The following CENPQ variants were observed in gnomAD, a reference collection of about 807,000 sequenced individuals.
CENPQ encodes centromere protein Q.
Under a neutral mutation model 36.6 loss-of-function variants are expected in CENPQ, and 27 were observed. That is an observed-to-expected ratio of 0.74 (90% CI 0.54 to 1.02). The LOEUF (loss-of-function observed/expected upper bound fraction) is 1.02. Among genes scored for constraint, CENPQ ranks in the 50% least tolerant of loss-of-function variants. The probability of loss-of-function intolerance (pLI) is 0.00; values close to 1 mark genes in which losing one functional copy is unlikely to be tolerated. For synonymous variants in CENPQ, 101 were observed against 101.7 expected, an observed-to-expected ratio of 0.99 and a Z score of 0.04; for missense variants, 306 against 301.8, an observed-to-expected ratio of 1.01 and a Z score of -0.10.
intron 1 of CENPQ, among the ~76,000 whole-genome samples, chr6:49,467,667 A>G (rs1007896610): frequency 2.0e-5 from 3 of 152,214 alleles, no homozygotes; most frequent in Admixed American, 6.5e-5. Context: ...TTTGAATGAG[A>G]TTTGGAGTAG....
At chr6:49,482,644 T>C (rs773617217) in intron 6 of CENPQ, among the ~76,000 whole-genome samples, 2 of 127,640 alleles carry the variant, frequency 1.6e-5, no homozygotes, top group African/African-American at 5.8e-5. Context: ...TGATAGGCAA[T>C]GGTCTCACTG....
At chr6:49,466,603 T>C (rs1275589748) in intron 1 of CENPQ, among the ~76,000 whole-genome samples, 1 of 152,224 alleles carries the variant, frequency 6.6e-6, no homozygotes, top group Non-Finnish European at 1.5e-5. Flanking sequence ...CACTAAGCTG[T>C]GGTTTCCCTT....
intron 6 of CENPQ, among the ~76,000 whole-genome samples, chr6:49,483,992 A>G (rs1386812010): frequency 1.3e-5 from 2 of 152,222 alleles, no homozygotes; most frequent in African/African-American, 4.8e-5. Flanking sequence ...TAGCAGTCCT[A>G]TTTTTTCATC....
intron 6 of CENPQ, among the ~76,000 whole-genome samples, chr6:49,484,087 A>G (rs940863942): frequency 1.3e-5 from 2 of 152,214 alleles, no homozygotes; most frequent in African/African-American, 2.4e-5. Flanking sequence ...TAAAACGTGG[A>G]AATTTTTCTG....
chr6:49,491,260 CT>C (rs1768716763), intron 8 of CENPQ, among the ~76,000 whole-genome samples: 1 of 152,172 alleles, frequency 6.6e-6, no homozygotes, highest in Non-Finnish European at 1.5e-5. Context: ...GTTTGAACAT[CT>C]TGTCAGTCAC....
At chr6:49,468,503 A>G (rs1024314726) in intron 1 of CENPQ, among the ~76,000 whole-genome samples, 7 of 152,050 alleles carry the variant, frequency 4.6e-5, no homozygotes, top group African/African-American at 1.7e-4. Flanking sequence ...CTGAGGCAGG[A>G]GAATCGCTTA....
intron 5 of CENPQ, among the ~76,000 whole-genome samples, chr6:49,474,034 T>A (rs1768212588): frequency 6.6e-6 from 1 of 152,132 alleles, no homozygotes; most frequent in Non-Finnish European, 1.5e-5. Context: ...CTTAGAGACC[T>A]ACAAAGAGAC....
At chr6:49,468,123 G>C (rs772710038) in intron 1 of CENPQ, among the ~76,000 whole-genome samples, 5 of 152,116 alleles carry the variant, frequency 3.3e-5, no homozygotes, top group African/African-American at 4.8e-5. Flanking sequence ...GGAGGGACTA[G>C]GCAGGGCTTG....
At position 49,479,889 on chromosome 6, in the gene CENPQ, A is replaced by C. The variant is rs185396494; in HGVS notation, c.348-1062A>C. On this transcript the variant is annotated intron_variant, in intron 5 of 8. Transcript: ENST00000335783. Reference sequence around the variant, plus strand: ...ACAGGAACAGAAAACCACATAGTGCATTTTCTCACAAGTGGGAGCTAAACA... The same window carrying C: ...ACAGGAACAGAAAACCACATAGTGCCTTTTCTCACAAGTGGGAGCTAAACA... Among the ~76,000 whole-genome samples the C allele has an allele frequency of 1.0e-3, 154 of 152,278 alleles. 1 individual carries two copies. The highest frequency in any genetic ancestry group is 3.4e-3 in the Middle Eastern group (1 of 294).
rs1471538 is a variant in CENPQ at position 49,492,555 on chromosome 6, G to A, written c.*280G>A. Reference sequence around the variant, plus strand: ...AAATAGGAATTGCCTTAAGGATCTAGTAGTTTATAATGCCTGAATGGAACT... The same window carrying A: ...AAATAGGAATTGCCTTAAGGATCTAATAGTTTATAATGCCTGAATGGAACT... On this transcript the variant is annotated 3_prime_UTR_variant, in exon 9 of 9. Coordinates refer to ENST00000335783, the MANE Select transcript of CENPQ (RefSeq NM_018132.4). The A allele has an allele frequency of 0.99, 250,683 of 253,346 alleles. 124,086 individuals are homozygous for A. Among genetic ancestry groups the A allele is most frequent in the East Asian group, 1 (9,730 of 9,730 alleles). The allele number at this position is 253,346 out of a possible 1,614,324, so 15.7% of individuals were successfully genotyped here. A position where few individuals can be genotyped will look rare whatever the true frequency, so the allele number is the denominator to read the frequency against.
chr6:49,474,524 A>G (rs1405046984), intron 5 of CENPQ, among the ~76,000 whole-genome samples: 1 of 152,244 alleles, frequency 6.6e-6, no homozygotes, highest in Non-Finnish European at 1.5e-5. Flanking sequence ...AGCAGTGTGT[A>G]GAGGGAAATT....
chr6:49,476,940 G>T (rs2127425448), intron 5 of CENPQ, among the ~76,000 whole-genome samples: 1 of 152,334 alleles, frequency 6.6e-6, no homozygotes, highest in Middle Eastern at 3.4e-3. Flanking sequence ...GAGAGGACAT[G>T]CAGAAATAGG....
At chr6:49,469,248 A>G (rs1447121813) in intron 1 of CENPQ, among the ~76,000 whole-genome samples, 1 of 152,242 alleles carries the variant, frequency 6.6e-6, no homozygotes, top group Non-Finnish European at 1.5e-5. Flanking sequence ...TCAGTATAAT[A>G]ATTCTGAATG....
chr6:49,475,846 A>G (rs1439722723), intron 5 of CENPQ, among the ~76,000 whole-genome samples: 1 of 152,056 alleles, frequency 6.6e-6, no homozygotes, highest in Non-Finnish European at 1.5e-5. Flanking sequence ...AGAATAAAAT[A>G]CCTAGGAATC....
intron 3 of CENPQ, among the ~76,000 whole-genome samples, chr6:49,471,462 C>A (rs1768131866): frequency 6.6e-6 from 1 of 152,144 alleles, no homozygotes. Context: ...TGGAAGGATT[C>A]TCTACGTCTC....
intron 2 of CENPQ, 62 bp from the exon 3 acceptor site, chr6:49,470,912 G>A: frequency 1.1e-6 from 1 of 927,716 alleles, no homozygotes; most frequent in Non-Finnish European, 1.5e-6. Flanking sequence ...TATTGTAAAA[G>A]CAGGATCCTT....
intron 5 of CENPQ, among the ~76,000 whole-genome samples, chr6:49,478,585 C>T (rs996364056): frequency 1.3e-5 from 2 of 152,018 alleles, no homozygotes; most frequent in African/African-American, 4.8e-5. Context: ...TTTAGCCTGG[C>T]GAAGAAAGAG....
At chr6:49,476,154 C>T (rs1768284224) in intron 5 of CENPQ, among the ~76,000 whole-genome samples, 2 of 152,010 alleles carry the variant, frequency 1.3e-5, no homozygotes, top group Non-Finnish European at 2.9e-5. Context: ...GGAGGCATCA[C>T]ACTACCTGAC....
chr6:49,471,670 A>G (rs1768138412), intron 3 of CENPQ, among the ~76,000 whole-genome samples: 1 of 152,096 alleles, frequency 6.6e-6, no homozygotes, highest in African/African-American at 2.4e-5. Flanking sequence ...CATAGTTGAC[A>G]CTATCTATTT....
Sources: gnomAD v4.1 joint callset for allele counts (sites outside exome capture counted in the v4.1 genomes callset) on GRCh38, gnomAD v4.1.1 for gene constraint, MANE v1.5 for transcripts, NCBI Gene and HGNC (gene_info 2026-07-23, HGNC 2026-07-21) for gene names.